Variants in TBX15 observed in about 807,000 individuals in gnomAD.
TBX15 encodes the protein T-box transcription factor TBX15.
In TBX15, 18 loss-of-function variants were observed where a neutral mutation model predicts 53.9. That is an observed-to-expected ratio of 0.33 (90% confidence interval 0.23 to 0.49). The LOEUF is 0.49. TBX15 is among the 20% of genes least tolerant of loss of function. TBX15 has a pLI of 0.98. For synonymous variants in TBX15, 295 were observed against 278.0 expected (o/e 1.06, Z -0.61); for missense variants, 692 against 749.5 (o/e 0.92, Z 0.90).
At chr1:118,906,873 T>A (rs562518260) in intron 6 of TBX15, among the ~76,000 whole-genome samples, 5 of 152,142 alleles carry the variant, frequency 3.3e-5, no homozygotes, top group African/African-American at 1.2e-4. Flanking sequence ...GAGACTCAGA[T>A]TTCTTCTTGC....
Position 118,884,996 on chromosome 1 carries a change from G to T in TBX15, c.1545C>A (p.Tyr515Ter). 1 of 1,614,138 alleles carries T rather than the reference G, an allele frequency of 6.2e-7. No individual in the cohort carries two copies. Reference sequence around the variant, plus strand: ...TGGGGAAATTGTATCCATACAGGTTGTAAGGGTTGTGAAGGGAGAAGGCAT... The same window carrying T: ...TGGGGAAATTGTATCCATACAGGTTTTAAGGGTTGTGAAGGGAGAAGGCAT... ...SYNAFSLHNPYNLYGYNFPTS... is the reference protein window; with the variant it reads ...SYNAFSLHNP Residue 515 changes from tyrosine to a stop codon, truncating the protein, a stop_gained, in exon 8 of 8, where the codon TAC becomes TAA. Transcript: ENST00000369429. LOFTEE classifies it high-confidence loss of function.
chr1:118,898,685 C>T (rs1311683919), intron 7 of TBX15, among the ~76,000 whole-genome samples: 1 of 151,964 alleles, frequency 6.6e-6, no homozygotes, highest in East Asian at 1.9e-4. Context: ...AGAAGGCTAC[C>T]ATGAGGAATA....
At chr1:118,982,391 G>A (rs576614049) in intron 1 of TBX15, among the ~76,000 whole-genome samples, 4 of 152,272 alleles carry the variant, frequency 2.6e-5, no homozygotes, top group East Asian at 1.9e-4. Flanking sequence ...GTGATGGACC[G>A]GAAATATTTC....
intron 1 of TBX15, among the ~76,000 whole-genome samples, chr1:118,960,947 A>G (rs1006514942): frequency 2.0e-5 from 3 of 152,198 alleles, no homozygotes; most frequent in African/African-American, 4.8e-5. Context: ...TGTCATCGAC[A>G]CTGGGCGGCC....
chr1:118,926,954 G>C (rs1460472116), intron 2 of TBX15, among the ~76,000 whole-genome samples: 1 of 152,006 alleles, frequency 6.6e-6, no homozygotes, highest in Non-Finnish European at 1.5e-5. Context: ...TCGAACTCCT[G>C]ACCTCGTGAT....
rs12041201 is a variant in TBX15 at position 118,909,743 on chromosome 1, C to A, written c.926+4372G>T. Reference sequence around the variant, plus strand: ...GATTACAGGCACGCGCCACCATGCCCGGCTAATTTTTGTATTTTTACTAGA... The same window carrying A: ...GATTACAGGCACGCGCCACCATGCCAGGCTAATTTTTGTATTTTTACTAGA... On this transcript the variant is annotated intron_variant, in intron 6 of 7. Transcript: ENST00000369429. Among the ~76,000 whole-genome samples, 7 of 152,122 alleles carry A rather than the reference C, an allele frequency of 4.6e-5. No homozygotes were observed. The East Asian group carries it at 1.4e-3, about 29-fold the overall frequency.
chr1:118,924,324 C>T (rs543496981), intron 4 of TBX15, among the ~76,000 whole-genome samples: 4 of 152,172 alleles, frequency 2.6e-5, no homozygotes, highest in Non-Finnish European at 5.9e-5. Context: ...GGTTATTCTA[C>T]TGAATGTTGT....
In TBX15 at chr1:118,987,279, A is replaced by G. The variant is rs139988128; in HGVS notation, c.205+312T>C. 7.2e-5 allele frequency among the ~76,000 whole-genome samples: 11 copies of G among 152,238 alleles called. No individual in the cohort carries two copies. The East Asian group carries it at 1.5e-3, about 21-fold the overall frequency. ...TTGCCTTCGGCCCGCGCCCCTCCCA[A>G]TCCCAGGGACCGGCAGCCCTTCATC... On this transcript the variant is annotated intron_variant, in intron 1 of 7. Coordinates refer to ENST00000369429, the MANE Select transcript of TBX15 (RefSeq NM_001330677.2).
At chr1:118,965,517 C>CT (rs1276960488) in intron 1 of TBX15, among the ~76,000 whole-genome samples, 5 of 152,214 alleles carry the variant, frequency 3.3e-5, no homozygotes, top group African/African-American at 1.2e-4. Context: ...GGAGGGTAAT[C>CT]TGGAATAACC....
intron 1 of TBX15, among the ~76,000 whole-genome samples, chr1:118,987,182 T>G (rs1232737642): frequency 6.6e-6 from 1 of 152,076 alleles, no homozygotes; most frequent in Non-Finnish European, 1.5e-5. Flanking sequence ...AAGACTGAGG[T>G]ATTGGATTGG....
At chr1:118,978,659 T>C (rs1175949425) in intron 1 of TBX15, among the ~76,000 whole-genome samples, 1 of 152,188 alleles carries the variant, frequency 6.6e-6, no homozygotes, top group African/African-American at 2.4e-5. Flanking sequence ...ATACAGAACA[T>C]GAAGGTCTGT....
intron 1 of TBX15, among the ~76,000 whole-genome samples, chr1:118,965,315 GA>G (rs1286577830): frequency 1.3e-5 from 2 of 152,162 alleles, no homozygotes; most frequent in East Asian, 3.8e-4. Context: ...TCTGTATCTG[GA>G]AAAAATGGAG....
At chr1:118,887,457 T>C (rs1468420280) in intron 7 of TBX15, among the ~76,000 whole-genome samples, 2 of 152,116 alleles carry the variant, frequency 1.3e-5, no homozygotes, top group African/African-American at 4.8e-5. Context: ...GGTGGATCAC[T>C]TGAGGTCAGG....
At position 118,909,743 on chromosome 1, in the gene TBX15, C is replaced by T. The variant is rs12041201; in HGVS notation, c.926+4372G>A. On this transcript the variant is annotated intron_variant, in intron 6 of 7. Coordinates refer to ENST00000369429, the MANE Select transcript of TBX15 (RefSeq NM_001330677.2). ...GATTACAGGCACGCGCCACCATGCC[C>T]GGCTAATTTTTGTATTTTTACTAGA... Among the ~76,000 whole-genome samples the T allele has an allele frequency of 6.5e-4, 99 of 152,238 alleles. No homozygotes were observed. The East Asian group carries it at 0.011, about 17-fold the overall frequency.
chr1:118,982,307 G>GT (rs755095610), intron 1 of TBX15, among the ~76,000 whole-genome samples: 1 of 152,204 alleles, frequency 6.6e-6, no homozygotes, highest in Non-Finnish European at 1.5e-5. Context: ...GAGAAATAAA[G>GT]TTCTACCAGA....
chr1:118,885,692 T>G (rs7532756), intron 7 of TBX15, among the ~76,000 whole-genome samples, 176 bp from the exon 8 acceptor site: 1 of 151,968 alleles, frequency 6.6e-6, no homozygotes, highest in South Asian at 2.1e-4. Context: ...CCTGTGGACA[T>G]ATACACAGTC....
chr1:118,970,011 T>A (rs1005158174), intron 1 of TBX15, among the ~76,000 whole-genome samples: 2 of 152,210 alleles, frequency 1.3e-5, no homozygotes, highest in African/African-American at 4.8e-5. Flanking sequence ...TCTCACAATA[T>A]CTTGTTGTTT....
At chr1:118,968,943 G>T (rs1349690395) in intron 1 of TBX15, among the ~76,000 whole-genome samples, 2 of 152,128 alleles carry the variant, frequency 1.3e-5, no homozygotes, top group Non-Finnish European at 2.9e-5. Context: ...ATATGGTTGG[G>T]ATTAGAAAGT....
chr1:118,989,324 C>T (rs1201479760), upstream of TBX15: 1 of 152,166 alleles, frequency 6.6e-6, no homozygotes. Context: ...TTAAAAAATC[C>T]AACGCTCCTG....
Sources: gnomAD v4.1 joint callset for allele counts (sites outside exome capture counted in the v4.1 genomes callset) on GRCh38, gnomAD v4.1.1 for gene constraint, MANE v1.5 for transcripts, NCBI Gene and HGNC (gene_info 2026-07-23, HGNC 2026-07-21) for gene names.